Variants in ADGRB3 observed in about 807,000 individuals in gnomAD.
The protein encoded by ADGRB3 is adhesion G protein-coupled receptor B3.
ADGRB3 carries 37 observed loss-of-function variants against 193.4 expected under a neutral mutation model. The ratio of observed to expected loss-of-function variants is 0.19; its 90% confidence interval spans 0.15 to 0.25. The LOEUF is 0.25. ADGRB3 is among the 10% of genes least tolerant of loss of function. ADGRB3 has a pLI of 1.00. For synonymous variants in ADGRB3, 690 were observed against 644.2 expected (o/e 1.07, Z -1.08); for missense variants, 1,637 against 1,852.9 (o/e 0.88, Z 2.14).
Position 69,219,545 on chromosome 6 carries a change from A to G in ADGRB3, c.2481-13745A>G, listed in dbSNP as rs560289062. 1.3e-3 allele frequency among the ~76,000 whole-genome samples: 190 copies of G among 147,488 alleles called. 2 individuals are homozygous for G. The highest frequency in any genetic ancestry group is 4.5e-3 in the African/African-American group (182 of 40,636). Reference sequence around the variant, plus strand: ...TGTGTGTACATATATACATGTGTATATATTCTTGGCTGTAGGTAAGAGAAA... The same window carrying G: ...TGTGTGTACATATATACATGTGTATGTATTCTTGGCTGTAGGTAAGAGAAA... On this transcript the variant is annotated intron_variant, in intron 17 of 31. Coordinates refer to ENST00000370598, the MANE Select transcript of ADGRB3 (RefSeq NM_001704.3).
intron 3 of ADGRB3, among the ~76,000 whole-genome samples, chr6:68,676,400 A>G (rs937444689): frequency 2.0e-5 from 3 of 151,658 alleles, no homozygotes; most frequent in Non-Finnish European, 2.9e-5. Context: ...AAAAAAAAAA[A>G]AAAAAAAAAA....
intron 3 of ADGRB3, among the ~76,000 whole-genome samples, chr6:68,929,666 A>G (rs567995594): frequency 6.6e-6 from 1 of 152,274 alleles, no homozygotes; most frequent in South Asian, 2.1e-4. Context: ...ACTATTCCAT[A>G]TATTAGGCTC....
chr6:69,300,831 G>A (rs923222566), intron 20 of ADGRB3, among the ~76,000 whole-genome samples: 1 of 151,722 alleles, frequency 6.6e-6, no homozygotes, highest in Non-Finnish European at 1.5e-5. Flanking sequence ...CACAAACATT[G>A]AGGAGATATT....
intron 17 of ADGRB3, among the ~76,000 whole-genome samples, chr6:69,132,879 G>GGGAA (rs1561929318): frequency 6.6e-6 from 1 of 152,058 alleles, no homozygotes; most frequent in African/African-American, 2.4e-5. Context: ...TTATTAAATC[G>GGGAA]GGAATCCTTT....
chr6:69,216,600 G>T (rs770749294), intron 17 of ADGRB3, among the ~76,000 whole-genome samples: 4 of 152,122 alleles, frequency 2.6e-5, no homozygotes, highest in Non-Finnish European at 5.9e-5. Context: ...AGAACACTGG[G>T]CTATCTCCAG....
intron 20 of ADGRB3, among the ~76,000 whole-genome samples, chr6:69,258,057 G>A (rs1766820986): frequency 6.6e-6 from 1 of 152,148 alleles, no homozygotes; most frequent in Non-Finnish European, 1.5e-5. Flanking sequence ...GGAAAGAAGG[G>A]AGAATTTGAA....
In ADGRB3 at chr6:69,018,436, A is replaced by C; in HGVS notation, c.2044A>C (p.Ile682Leu). The change falls in exon 13 of 32, where the codon ATA becomes CTA. Residue 682 changes from isoleucine to leucine, a missense_variant. Around this residue, in one of 7 missense-constraint regions of ADGRB3, gnomAD observed 641 missense variants for 673.9 expected, o/e 0.95. Transcript: ENST00000370598. The part of the protein sequence containing the change: ...IELMQVIEDF[I>L]HIVGMGMMDF... ...GTTAATGCAGGTGATTGAAGATTTT[A>C]TACACATTGTTGGAATGGGGATGAT... 6.2e-7 allele frequency: 1 copy of C among 1,609,578 alleles called. No homozygotes were observed. Among genetic ancestry groups the C allele is most frequent in the South Asian group, 1.1e-5 (1 of 90,888 alleles).
chr6:68,669,578 GT>G (rs1176937813), intron 3 of ADGRB3, among the ~76,000 whole-genome samples: 1 of 149,754 alleles, frequency 6.7e-6, no homozygotes, highest in Admixed American at 6.7e-5. Flanking sequence ...CAGGATCCCA[GT>G]TTTTTATGGA....
chr6:68,641,442 A>G (rs148518938), intron 3 of ADGRB3, among the ~76,000 whole-genome samples: 1 of 152,298 alleles, frequency 6.6e-6, no homozygotes, highest in Non-Finnish European at 1.5e-5. Context: ...CAAATTGTAT[A>G]TTGTCATTAA....
intron 3 of ADGRB3, among the ~76,000 whole-genome samples, chr6:68,835,955 C>G (rs1768037355): frequency 6.6e-6 from 1 of 152,228 alleles, no homozygotes; most frequent in Non-Finnish European, 1.5e-5. Flanking sequence ...AGGCCTATAT[C>G]AAGACCTCCA....
At chr6:69,384,999 C>T (rs1770036085) in intron 31 of ADGRB3, among the ~76,000 whole-genome samples, 1 of 148,758 alleles carries the variant, frequency 6.7e-6, no homozygotes, top group African/African-American at 2.5e-5. Flanking sequence ...ACAGCACCTG[C>T]CTGGCACTGC....
At chr6:69,096,626 G>A (rs185753262) in intron 17 of ADGRB3, among the ~76,000 whole-genome samples, 58 of 152,204 alleles carry the variant, frequency 3.8e-4, no homozygotes, top group Admixed American at 3.7e-3. Flanking sequence ...CTTGCTCATA[G>A]TTTGTGCTTA....
chr6:68,839,276 TG>T (rs1348572129), intron 3 of ADGRB3, among the ~76,000 whole-genome samples: 2 of 152,222 alleles, frequency 1.3e-5, no homozygotes, highest in Non-Finnish European at 2.9e-5. Flanking sequence ...GGTAAAGTTG[TG>T]TTCCTCTGCC....
Position 68,986,837 on chromosome 6 carries a change from C to T in ADGRB3, c.1735-6931C>T, listed in dbSNP as rs908139832. On this transcript the variant is annotated intron_variant, in intron 10 of 31. Coordinates refer to ENST00000370598, the MANE Select transcript of ADGRB3 (RefSeq NM_001704.3). The stretch of plus-strand genomic sequence containing the variant: ...TTTAAAATGTATCATTTGCACAGAG[C>T]AACTATGATAAACCTTTTTTTAATA... Among the ~76,000 whole-genome samples the T allele has an allele frequency of 1.2e-4, 19 of 152,046 alleles. No homozygotes were observed. The East Asian group carries it at 3.7e-3, about 29-fold the overall frequency.
chr6:68,829,841 A>G (rs1451112981), intron 3 of ADGRB3, among the ~76,000 whole-genome samples: 4 of 152,272 alleles, frequency 2.6e-5, no homozygotes, highest in African/African-American at 9.6e-5. Flanking sequence ...CACTTTGATT[A>G]TAATAGAAAA....
chr6:69,315,510 T>G (rs1265229113), intron 20 of ADGRB3, among the ~76,000 whole-genome samples: 1 of 151,562 alleles, frequency 6.6e-6, no homozygotes, highest in Non-Finnish European at 1.5e-5. Context: ...AGCCATTATC[T>G]TATTTCATCT....
chr6:68,896,945 T>C (rs10455223), intron 3 of ADGRB3, among the ~76,000 whole-genome samples: 20,752 of 151,986 alleles, frequency 0.14, 1,832 homozygotes, highest in Middle Eastern at 0.2. Context: ...GTAAATCTCT[T>C]GGCCCCTCGC....
intron 13 of ADGRB3, among the ~76,000 whole-genome samples, chr6:69,043,290 G>GAGAGAAAGAAAGAAATAA (rs1554252049): frequency 1.1e-5 from 1 of 88,032 alleles, no homozygotes; most frequent in Admixed American, 1.1e-4. Flanking sequence ...GGAAGAAAGA[G>GAGAGAAAGAAAGAAATAA]AGAAAGAAAG....
At chr6:68,965,924 A>C (rs1768368906) in intron 8 of ADGRB3, among the ~76,000 whole-genome samples, 1 of 152,180 alleles carries the variant, frequency 6.6e-6, no homozygotes, top group South Asian at 2.1e-4. Flanking sequence ...AAAATAATTA[A>C]AACAAATCTC....
Sources: allele counts gnomAD v4.1 joint callset (sites outside exome capture counted in the v4.1 genomes callset), GRCh38; gene constraint gnomAD v4.1.1; regional missense constraint gnomAD v4.1.1; transcripts MANE v1.5; gene names NCBI Gene and HGNC (gene_info 2026-07-23, HGNC 2026-07-21).